Variants in MROH9 observed in about 807,000 individuals in gnomAD.
The protein encoded by MROH9 is maestro heat like repeat family member 9.
Under a neutral mutation model 98.2 loss-of-function variants are expected in MROH9, and 92 were observed. The ratio of observed to expected loss-of-function variants is 0.94; its 90% confidence interval spans 0.79 to 1.11. The LOEUF is 1.11. Ranked by LOEUF, MROH9 falls within the 50% of genes most tolerant of loss-of-function variation. MROH9 has a pLI of 0.00. For synonymous variants in MROH9, 397 were observed against 368.9 expected, an observed-to-expected ratio of 1.08 and a Z score of -0.87; for missense variants, 1,057 against 1,014.8, an observed-to-expected ratio of 1.04 and a Z score of -0.57.
chr1:171,044,658 C>T (rs1179785117), intron 20 of MROH9, among the ~76,000 whole-genome samples: 1 of 152,032 alleles, frequency 6.6e-6, no homozygotes, highest in African/African-American at 2.4e-5. Context: ...TTGGTCTTTT[C>T]AGATTTTGTA....
At chr1:171,019,439 A>G (rs1571507364) in intron 17 of MROH9, among the ~76,000 whole-genome samples, 1 of 152,082 alleles carries the variant, frequency 6.6e-6, no homozygotes, top group Admixed American at 6.5e-5. Context: ...GGATCACGAG[A>G]TCAAGAGTTC....
chr1:170,977,526 T>C (rs571466681), intron 8 of MROH9, among the ~76,000 whole-genome samples: 1 of 152,300 alleles, frequency 6.6e-6, no homozygotes, highest in South Asian at 2.1e-4. Context: ...TAGGGTGTGA[T>C]CTGGTCTGGT....
intron 15 of MROH9, among the ~76,000 whole-genome samples, chr1:171,002,680 T>C (rs1651819612): frequency 6.6e-6 from 1 of 152,208 alleles, no homozygotes; most frequent in Non-Finnish European, 1.5e-5. Flanking sequence ...TAACAGCTCT[T>C]AAGATTCTTT....
Position 170,971,822 on chromosome 1 carries a change from G to A in MROH9, c.555G>A (p.Ser185=), listed in dbSNP as rs768157754. 25 of 1,613,880 alleles carry A rather than the reference G, an allele frequency of 1.5e-5. 1 individual carries two copies. The Middle Eastern group carries it at 9.9e-4, about 64-fold the overall frequency. The change falls in exon 8 of 22, where the codon TCG becomes TCA. Residue 185 remains serine, a synonymous_variant. Coordinates refer to ENST00000367759, the MANE Select transcript of MROH9 (RefSeq NM_001163629.2). ...TTTTGTGTTCCCATGAAGATCCCTC[G>A]ATTGTAAAACAAGCATCATTGGGAA... is the stretch of plus-strand genomic sequence containing the variant. ...LSLLCSHEDP[S]IVKQASLGMC...
chr1:171,027,426 T>C (rs1652753561), intron 20 of MROH9, among the ~76,000 whole-genome samples: 1 of 152,234 alleles, frequency 6.6e-6, no homozygotes, highest in Admixed American at 6.5e-5. Context: ...GGTGTATATA[T>C]ATCACATTTT....
At chr1:170,974,528 GAAAA>G (rs199760478) in intron 8 of MROH9, among the ~76,000 whole-genome samples, 2 of 148,812 alleles carry the variant, frequency 1.3e-5, no homozygotes. Context: ...ATACAGAAAA[GAAAA>G]AAAAAGTCAA....
intron 17 of MROH9, among the ~76,000 whole-genome samples, chr1:171,022,139 A>G (rs1652539353): frequency 6.6e-6 from 1 of 152,212 alleles, no homozygotes; most frequent in Non-Finnish European, 1.5e-5. Context: ...ATGCTTTTAC[A>G]CTGTTGGTGG....
intron 20 of MROH9, among the ~76,000 whole-genome samples, chr1:171,052,654 G>T (rs372856660): frequency 6.6e-6 from 1 of 152,184 alleles, no homozygotes; most frequent in Non-Finnish European, 1.5e-5. Context: ...AAGGAGCAGA[G>T]AAATCACTAC....
intron 9 of MROH9, among the ~76,000 whole-genome samples, chr1:170,985,027 G>A (rs539243080): frequency 1.3e-4 from 20 of 152,180 alleles, no homozygotes; most frequent in African/African-American, 3.4e-4. Context: ...AAACAAAACC[G>A]AAAACAATTC....
At chr1:170,950,366 A>G (rs1043833597) in intron 3 of MROH9, among the ~76,000 whole-genome samples, 17 of 152,144 alleles carry the variant, frequency 1.1e-4, no homozygotes, top group African/African-American at 3.6e-4. Flanking sequence ...TAGTCCATAA[A>G]GGAGACAGCC....
At chr1:171,048,005 A>G (rs917892775) in intron 20 of MROH9, among the ~76,000 whole-genome samples, 2 of 152,132 alleles carry the variant, frequency 1.3e-5, no homozygotes, top group African/African-American at 4.8e-5. Context: ...CCAAACAAAC[A>G]TATTCTCTCT....
intron 3 of MROH9, among the ~76,000 whole-genome samples, chr1:170,957,659 T>C (rs896466868): frequency 4.6e-5 from 7 of 152,272 alleles, no homozygotes; most frequent in Admixed American, 1.3e-4. Context: ...CTCCAGTTTC[T>C]TGGAAAAAAA....
chr1:170,981,601 C>T (rs1650931369), intron 8 of MROH9, among the ~76,000 whole-genome samples: 3 of 151,886 alleles, frequency 2.0e-5, no homozygotes, highest in Non-Finnish European at 4.4e-5. Context: ...CACACCAGGG[C>T]TTGTTGGAGG....
chr1:170,994,924 A>AGCACT (rs1425423441), intron 12 of MROH9, among the ~76,000 whole-genome samples: 1 of 146,838 alleles, frequency 6.8e-6, no homozygotes, highest in Admixed American at 6.9e-5. Context: ...GCCCAGACCC[A>AGCACT]TATTTCTGAT....
At chr1:171,056,397 A>T (rs1405730211) in intron 20 of MROH9, among the ~76,000 whole-genome samples, 1 of 152,154 alleles carries the variant, frequency 6.6e-6, no homozygotes, top group Non-Finnish European at 1.5e-5. Context: ...CCTCTTCAGG[A>T]CTGACCCTGA....
In MROH9 at chr1:171,064,564, T is replaced by C. The variant is rs143955912; in HGVS notation, c.*224T>C. 277 of 438,530 alleles carry C rather than the reference T, an allele frequency of 6.3e-4. 1 individual carries two copies. Among genetic ancestry groups the C allele is most frequent in the African/African-American group, 5.2e-3 (253 of 49,024 alleles). The allele number at this position is 438,530 out of a possible 1,614,324, so 27.2% of individuals were successfully genotyped here. On this transcript the variant is annotated 3_prime_UTR_variant, in exon 22 of 22. Transcript: ENST00000367759. ...AGTGCCTCTGTATGTCTGACAGTGATCAGAAGCCCTATTTCATCAAAACCA... is the reference window on the plus strand; with the variant it reads ...AGTGCCTCTGTATGTCTGACAGTGACCAGAAGCCCTATTTCATCAAAACCA...
At chr1:171,039,111 GC>G (rs1270613854) in intron 20 of MROH9, among the ~76,000 whole-genome samples, 2 of 151,996 alleles carry the variant, frequency 1.3e-5, no homozygotes, top group African/African-American at 4.8e-5. Flanking sequence ...ACCTACCTAG[GC>G]CTTGGCATTT....
At chr1:171,025,196 C>T in intron 19 of MROH9, 122 bp from the exon 20 acceptor site, 1 of 626,966 alleles carries the variant, frequency 1.6e-6, no homozygotes, top group Non-Finnish European at 2.8e-6. Context: ...GAGTATAGTT[C>T]ACACAAAAGC....
chr1:171,038,731 C>T (rs943423352), intron 20 of MROH9, among the ~76,000 whole-genome samples: 8 of 152,222 alleles, frequency 5.3e-5, no homozygotes, highest in Admixed American at 3.3e-4. Context: ...TTTCAAAGTC[C>T]CCAACCTGTG....
Sources: gnomAD v4.1 joint callset for allele counts (sites outside exome capture counted in the v4.1 genomes callset) on GRCh38, gnomAD v4.1.1 for gene constraint, MANE v1.5 for transcripts, NCBI Gene and HGNC (gene_info 2026-07-23, HGNC 2026-07-21) for gene names.